The following USP32 variants were observed in gnomAD, a reference collection of about 807,000 sequenced individuals.
USP32 encodes ubiquitin carboxyl-terminal hydrolase 32.
Under a neutral mutation model 204.8 loss-of-function variants are expected in USP32, and 59 were observed. That is an observed-to-expected ratio of 0.29 (90% confidence interval 0.23 to 0.36). USP32 has a LOEUF of 0.36. USP32 is among the 10% of genes least tolerant of loss of function. The probability of loss-of-function intolerance (pLI) is 1.00; values close to 1 mark genes in which losing one functional copy is unlikely to be tolerated. For missense variants in USP32, 1,160 were observed against 1,946.4 expected (o/e 0.60, Z 7.60); for synonymous variants, 517 against 678.4 (o/e 0.76, Z 3.70).
chr17:60,261,904 G>A (rs1383683125), intron 9 of USP32, among the ~76,000 whole-genome samples: 2 of 152,050 alleles, frequency 1.3e-5, no homozygotes, highest in African/African-American at 4.8e-5. Context: ...GGAAAGAAAC[G>A]TCATGAAAAG....
intron 9 of USP32, among the ~76,000 whole-genome samples, chr17:60,261,066 A>C (rs1488813367): frequency 1.3e-5 from 2 of 152,216 alleles, no homozygotes; most frequent in African/African-American, 4.8e-5. Flanking sequence ...CACGACTAAA[A>C]TTCCAGGACA....
upstream of USP32, among the ~76,000 whole-genome samples, chr17:60,395,234 A>G (rs931965558): frequency 1.3e-5 from 2 of 152,226 alleles, no homozygotes; most frequent in African/African-American, 4.8e-5. Flanking sequence ...TGAACTTTTA[A>G]GATTTCCTCT....
At chr17:60,392,276 G>A (rs2089855015), upstream of USP32, 1 of 317,062 alleles carries the variant, frequency 3.2e-6, no homozygotes, top group Non-Finnish European at 6.0e-6. Context: ...GGGACCCGAG[G>A]CCAGACACTG....
At chr17:60,400,190 C>A (rs2143022944) in intron 1 of USP32, among the ~76,000 whole-genome samples, 1 of 152,238 alleles carries the variant, frequency 6.6e-6, no homozygotes, top group East Asian at 1.9e-4. Flanking sequence ...GTCTTGAACT[C>A]CTGACCTCAG....
chr17:60,323,415 T>C (rs913129498), intron 2 of USP32, among the ~76,000 whole-genome samples: 8 of 152,300 alleles, frequency 5.3e-5, no homozygotes, highest in African/African-American at 1.9e-4. Flanking sequence ...TAGTGAAATC[T>C]ATATAGACAG....
chr17:60,307,740 G>A (rs2087759585), intron 2 of USP32, among the ~76,000 whole-genome samples: 1 of 152,148 alleles, frequency 6.6e-6, no homozygotes. Context: ...GGTGAGGACA[G>A]GCACTCCTGC....
At chr17:60,200,030 C>T (rs1157229976) in intron 26 of USP32, among the ~76,000 whole-genome samples, 1 of 151,934 alleles carries the variant, frequency 6.6e-6, no homozygotes, top group Admixed American at 6.6e-5. Flanking sequence ...CCTGTCTCTA[C>T]TAAAAACACA....
intron 1 of USP32, 72 bp downstream of exon 1, chr17:60,391,809 TC>T: frequency 1.3e-6 from 2 of 1,524,396 alleles, no homozygotes; most frequent in South Asian, 2.4e-5. Context: ...CCCCTCTCCC[TC>T]CCGGTTACCC....
At chr17:60,390,741 A>C (rs544246279) in intron 1 of USP32, among the ~76,000 whole-genome samples, 1 of 152,154 alleles carries the variant, frequency 6.6e-6, no homozygotes, top group Non-Finnish European at 1.5e-5. Flanking sequence ...TTACCATTTT[A>C]TATCCTTAGC....
At chr17:60,357,422 C>T (rs1283888070) in intron 1 of USP32, among the ~76,000 whole-genome samples, 2 of 152,124 alleles carry the variant, frequency 1.3e-5, no homozygotes, top group African/African-American at 2.4e-5. Context: ...CCCTGCACTC[C>T]AGCCTGGGCA....
intron 11 of USP32, among the ~76,000 whole-genome samples, chr17:60,242,934 G>C (rs1057470387): frequency 2.6e-5 from 4 of 152,158 alleles, no homozygotes; most frequent in Non-Finnish European, 5.9e-5. Flanking sequence ...GATTTGATTA[G>C]GTGTGTTTTG....
intron 31 of USP32, 121 bp downstream of exon 31, chr17:60,183,044 T>A: frequency 7.3e-7 from 1 of 1,362,406 alleles, no homozygotes. Context: ...TACAGATAGG[T>A]CTGATTCCAG....
chr17:60,373,318 T>C (rs554652636), intron 1 of USP32, among the ~76,000 whole-genome samples: 5 of 152,294 alleles, frequency 3.3e-5, no homozygotes, highest in Non-Finnish European at 2.9e-5. Context: ...TGAGTCAATG[T>C]TGAAGTCCTA....
intron 24 of USP32, 93 bp downstream of exon 24, chr17:60,207,966 T>C (rs1163202308): frequency 1.8e-4 from 261 of 1,454,898 alleles, no homozygotes; most frequent in Non-Finnish European, 2.2e-4. Context: ...GTATCTCTCT[T>C]GGTCACATAA....
intron 3 of USP32, among the ~76,000 whole-genome samples, chr17:60,299,766 T>C (rs1178640639): frequency 6.6e-6 from 1 of 152,176 alleles, no homozygotes; most frequent in African/African-American, 2.4e-5. Flanking sequence ...CAAAATACCA[T>C]AAACTGGGTG....
intron 2 of USP32, among the ~76,000 whole-genome samples, chr17:60,320,109 A>G (rs1212479917): frequency 6.6e-6 from 1 of 152,190 alleles, no homozygotes; most frequent in Non-Finnish European, 1.5e-5. Flanking sequence ...ACAAACTACC[A>G]AGAATACAAT....
intron 30 of USP32, among the ~76,000 whole-genome samples, chr17:60,185,055 A>T (rs1416027962): frequency 6.6e-6 from 1 of 152,184 alleles, no homozygotes; most frequent in African/African-American, 2.4e-5. Flanking sequence ...TAGCCACATG[A>T]TTATGTGCAG....
In USP32 at chr17:60,208,314, T is replaced by C. The variant is rs555243533; in HGVS notation, c.2774-104A>G. The C allele has an allele frequency of 4.0e-5, 45 of 1,125,460 alleles. No homozygotes were observed. The African/African-American group carries it at 6.9e-4, about 17-fold the overall frequency. 69.7% of individuals were successfully genotyped at this position (1,125,460 alleles called of 1,614,324 possible). On this transcript the variant is annotated intron_variant, in intron 23 of 33. Transcript: ENST00000300896. Reference sequence around the variant, plus strand: ...GACCTGTAAATATAATAGCAAATATTTCAGCCTAGAATTTTTATTTTATGT... The same window carrying C: ...GACCTGTAAATATAATAGCAAATATCTCAGCCTAGAATTTTTATTTTATGT...
At chr17:60,283,929 A>C (rs763058065) in intron 5 of USP32, among the ~76,000 whole-genome samples, 14 of 152,194 alleles carry the variant, frequency 9.2e-5, no homozygotes, top group Admixed American at 4.6e-4. Flanking sequence ...CGAAGGGCTG[A>C]TCCACTGGAA....
Sources: allele counts gnomAD v4.1 joint callset (sites outside exome capture counted in the v4.1 genomes callset), GRCh38; gene constraint gnomAD v4.1.1; transcripts MANE v1.5; gene names NCBI Gene and HGNC (gene_info 2026-07-23, HGNC 2026-07-21).